The following ARHGAP26 variants were observed in gnomAD, a reference collection of about 807,000 sequenced individuals.
ARHGAP26 encodes the protein rho GTPase-activating protein 26.
Under a neutral mutation model 104.8 loss-of-function variants are expected in ARHGAP26, and 38 were observed. That is an observed-to-expected ratio of 0.36 (90% CI 0.28 to 0.48). The LOEUF (loss-of-function observed/expected upper bound fraction) is 0.48. Among genes scored for constraint, ARHGAP26 ranks in the 20% least tolerant of loss-of-function variants. The pLI is 0.99. For missense variants in ARHGAP26, 704 were observed against 947.9 expected (o/e 0.74, Z 3.38); for synonymous variants, 341 against 340.0 (o/e 1.00, Z -0.03).
At chr5:142,869,396 T>C (rs935184094) in intron 1 of ARHGAP26, among the ~76,000 whole-genome samples, 2 of 151,796 alleles carry the variant, frequency 1.3e-5, no homozygotes, top group African/African-American at 4.8e-5. Context: ...TTTTTTTGTA[T>C]TTTTAGTAGA....
At chr5:143,190,028 G>T (rs546506571) in intron 20 of ARHGAP26, among the ~76,000 whole-genome samples, 1,909 of 83,242 alleles carry the variant, frequency 0.023, 15 homozygotes, top group Non-Finnish European at 0.026. Context: ...GACAGAAGGA[G>T]GGGGGGGAAA....
chr5:142,859,123 A>G (rs1752890467), intron 1 of ARHGAP26, among the ~76,000 whole-genome samples: 1 of 152,200 alleles, frequency 6.6e-6, no homozygotes, highest in Non-Finnish European at 1.5e-5. Context: ...GGGACCATCA[A>G]CAAGATCAGG....
chr5:143,054,659 G>A, intron 15 of ARHGAP26, 133 bp downstream of exon 15: 4 of 614,870 alleles, frequency 6.5e-6, no homozygotes, highest in Non-Finnish European at 1.1e-5. Flanking sequence ...CTGTGTGGGT[G>A]CGTTTAGCTC....
chr5:143,158,810 A>T (rs1800826907), intron 20 of ARHGAP26, among the ~76,000 whole-genome samples: 1 of 152,220 alleles, frequency 6.6e-6, no homozygotes. Context: ...AGACTACCCT[A>T]TTACCTCTTG....
intron 10 of ARHGAP26, among the ~76,000 whole-genome samples, chr5:142,928,546 G>A (rs1230922466): frequency 6.6e-6 from 1 of 152,114 alleles, no homozygotes; most frequent in Non-Finnish European, 1.5e-5. Flanking sequence ...AGCTCTCTGG[G>A]GGCTGCGGTG....
intron 1 of ARHGAP26, among the ~76,000 whole-genome samples, chr5:142,776,894 G>T (rs1436879840): frequency 2.2e-4 from 33 of 152,130 alleles, no homozygotes; most frequent in Non-Finnish European, 1.5e-5. Context: ...AATGTATGAG[G>T]ATTCTGATTT....
At chr5:143,221,534 G>A (rs1811132274) in intron 22 of ARHGAP26, among the ~76,000 whole-genome samples, 3 of 151,942 alleles carry the variant, frequency 2.0e-5, no homozygotes, top group Non-Finnish European at 4.4e-5. Flanking sequence ...GATTGATTGA[G>A]ACAGGGTCTT....
chr5:142,884,395 A>C (rs1757426126), intron 4 of ARHGAP26, among the ~76,000 whole-genome samples: 1 of 152,246 alleles, frequency 6.6e-6, no homozygotes, highest in Non-Finnish European at 1.5e-5. Flanking sequence ...GGGAGCAGGG[A>C]TTAATTATGG....
At chr5:142,869,506 A>G (rs1754952976) in intron 1 of ARHGAP26, among the ~76,000 whole-genome samples, 1 of 152,124 alleles carries the variant, frequency 6.6e-6, no homozygotes, top group Admixed American at 6.5e-5. Flanking sequence ...CTAAGTCCAA[A>G]GGGAAAGATG....
At chr5:142,934,081 C>G (rs768983544) in intron 11 of ARHGAP26, among the ~76,000 whole-genome samples, 5 of 152,068 alleles carry the variant, frequency 3.3e-5, no homozygotes, top group Non-Finnish European at 7.4e-5. Context: ...AACAAAAAAA[C>G]CCAAACCCAC....
intron 12 of ARHGAP26, among the ~76,000 whole-genome samples, chr5:143,026,218 G>T (rs73799514): frequency 4.1e-4 from 63 of 152,298 alleles, no homozygotes; most frequent in African/African-American, 1.4e-3. Flanking sequence ...AACATGGATT[G>T]TATTTATTCT....
At chr5:142,942,218 G>A (rs1183510307) in intron 11 of ARHGAP26, among the ~76,000 whole-genome samples, 2 of 152,088 alleles carry the variant, frequency 1.3e-5, no homozygotes, top group Non-Finnish European at 1.5e-5. Flanking sequence ...TTACTTACTT[G>A]TACCAGAATT....
At chr5:143,037,694 T>C (rs1426265901) in intron 13 of ARHGAP26, among the ~76,000 whole-genome samples, 1 of 152,224 alleles carries the variant, frequency 6.6e-6, no homozygotes, top group African/African-American at 2.4e-5. Context: ...TCTGACCAAG[T>C]TGCAGGTACC....
At chr5:143,008,627 T>C (rs1380323773) in intron 11 of ARHGAP26, among the ~76,000 whole-genome samples, 2 of 152,238 alleles carry the variant, frequency 1.3e-5, no homozygotes, top group Admixed American at 6.5e-5. Context: ...AATTTCCTTA[T>C]GAACCTATTT....
At chr5:142,992,854 G>A (rs758515828) in intron 11 of ARHGAP26, among the ~76,000 whole-genome samples, 5 of 152,150 alleles carry the variant, frequency 3.3e-5, no homozygotes, top group African/African-American at 4.8e-5. Context: ...CGCCTGATGC[G>A]GACTGCTTAA....
chr5:143,127,739 A>T (rs965779887), intron 18 of ARHGAP26, among the ~76,000 whole-genome samples: 1 of 152,210 alleles, frequency 6.6e-6, no homozygotes, highest in Non-Finnish European at 1.5e-5. Context: ...AATCCATTGG[A>T]CTAGTTCTGG....
chr5:142,775,729 T>G (rs1756187100), intron 1 of ARHGAP26, among the ~76,000 whole-genome samples: 1 of 152,218 alleles, frequency 6.6e-6, no homozygotes, highest in South Asian at 2.1e-4. Flanking sequence ...TTATACAATA[T>G]TTGTCATAAA....
chr5:142,831,161 C>T (rs1326955515), intron 1 of ARHGAP26, among the ~76,000 whole-genome samples: 2 of 152,186 alleles, frequency 1.3e-5, no homozygotes, highest in African/African-American at 2.4e-5. Context: ...GCTGTCTCCA[C>T]CCTGTTGAGT....
intron 20 of ARHGAP26, among the ~76,000 whole-genome samples, chr5:143,180,046 G>C (rs1034080803): frequency 2.0e-5 from 3 of 152,146 alleles, no homozygotes; most frequent in Non-Finnish European, 2.9e-5. Flanking sequence ...ACATCTCTCT[G>C]TCTCAAAGGA....
Sources: gnomAD v4.1 joint callset for allele counts (sites outside exome capture counted in the v4.1 genomes callset) on GRCh38, gnomAD v4.1.1 for gene constraint, MANE v1.5 for transcripts, NCBI Gene and HGNC (gene_info 2026-07-23, HGNC 2026-07-21) for gene names.